The following ASTN2 variants were observed in gnomAD, a reference collection of about 807,000 sequenced individuals.
The protein encoded by ASTN2 is astrotactin 2.
In ASTN2, 54 loss-of-function variants were observed where a neutral mutation model predicts 139.8. The ratio of observed to expected loss-of-function variants is 0.39; its 90% CI spans 0.31 to 0.48. The LOEUF is 0.48. Ranked by LOEUF, ASTN2 falls within the 20% of genes least tolerant of loss-of-function variation. The probability of loss-of-function intolerance (pLI) is 0.95; values close to 1 mark genes in which losing one functional copy is unlikely to be tolerated. For synonymous variants in ASTN2, 756 were observed against 719.5 expected (o/e 1.05, Z -0.81); for missense variants, 1,565 against 1,725.1 (o/e 0.91, Z 1.64).
At chr9:117,140,038 C>T (rs1201405876) in intron 4 of ASTN2, among the ~76,000 whole-genome samples, 1 of 152,152 alleles carries the variant, frequency 6.6e-6, no homozygotes, top group Non-Finnish European at 1.5e-5. Flanking sequence ...GCTGTTTGTA[C>T]CTTAGTGAAA....
At chr9:116,877,154 C>A (rs1397738155) in intron 10 of ASTN2, among the ~76,000 whole-genome samples, 1 of 152,164 alleles carries the variant, frequency 6.6e-6, no homozygotes, top group East Asian at 1.9e-4. Context: ...GCGGTCTAAC[C>A]CCAGCCAATA....
chr9:116,489,911 A>AT (rs760054430), intron 19 of ASTN2, among the ~76,000 whole-genome samples: 5 of 152,150 alleles, frequency 3.3e-5, no homozygotes, highest in African/African-American at 7.2e-5. Context: ...GCAACAGGCA[A>AT]TTTCAGCTGC....
chr9:116,697,892 G>T, intron 16 of ASTN2: 1 of 1,614,224 alleles, frequency 6.2e-7, no homozygotes. Context: ...GCCTGGAGAA[G>T]CTATTGGCCA....
At position 116,425,893 on chromosome 9, in the gene ASTN2, C is replaced by T; in HGVS notation, c.3978G>A (p.Val1326=). Residue 1326 remains valine (V), a synonymous_variant, in exon 23 of 23, where the codon GTG becomes GTA. Coordinates refer to ENST00000313400, the MANE Select transcript of ASTN2 (RefSeq NM_001365068.1). ...DTKITCEEKM[V]SMARNTYGES... ...CCCCGTACGTGTTTCGGGCCATTGA[C>T]ACCATCTTCTCCTCACACGTGATTT... The T allele has an allele frequency of 1.2e-6, 2 of 1,614,202 alleles. No individual in the cohort carries two copies. Among genetic ancestry groups the T allele is most frequent in the Non-Finnish European group, 1.7e-6 (2 of 1,180,046 alleles).
intron 4 of ASTN2, among the ~76,000 whole-genome samples, chr9:117,117,409 A>AAC (rs969012965): frequency 4.6e-5 from 7 of 151,948 alleles, no homozygotes; most frequent in African/African-American, 1.7e-4. Flanking sequence ...AAAAAAAAAA[A>AAC]ACGCAACTCC....
At chr9:116,480,798 C>T (rs558732823) in intron 20 of ASTN2, among the ~76,000 whole-genome samples, 2 of 152,086 alleles carry the variant, frequency 1.3e-5, no homozygotes, top group South Asian at 4.2e-4. Flanking sequence ...AAGAGACTGG[C>T]GCACTCTAGC....
chr9:116,613,719 C>T (rs970844366), intron 19 of ASTN2: 3 of 152,128 alleles, frequency 2.0e-5, no homozygotes, highest in South Asian at 2.1e-4. Flanking sequence ...ACTGATGGGA[C>T]GTATCTCAAA....
intron 10 of ASTN2, among the ~76,000 whole-genome samples, chr9:116,942,761 G>T (rs1399528020): frequency 7.9e-5 from 12 of 152,224 alleles, no homozygotes; most frequent in Non-Finnish European, 1.8e-4. Flanking sequence ...AGATGAGGAA[G>T]ATTGAAACAA....
intron 5 of ASTN2, among the ~76,000 whole-genome samples, chr9:117,041,320 G>T (rs1176696093): frequency 6.6e-6 from 1 of 151,788 alleles, no homozygotes; most frequent in Non-Finnish European, 1.5e-5. Context: ...ATATCTTTCT[G>T]TGGCTATCCA....
intron 1 of ASTN2, among the ~76,000 whole-genome samples, chr9:117,384,699 A>G (rs1246371305): frequency 6.6e-6 from 1 of 152,216 alleles, no homozygotes; most frequent in Non-Finnish European, 1.5e-5. Flanking sequence ...CTCTGATCTC[A>G]TCTGCTAAGA....
At chr9:116,552,350 T>C (rs1004458775) in intron 19 of ASTN2, 1 of 152,198 alleles carries the variant, frequency 6.6e-6, no homozygotes. Context: ...GGGATAAGTG[T>C]TTTTCATACT....
At chr9:117,378,889 T>C (rs1830193532) in intron 1 of ASTN2, among the ~76,000 whole-genome samples, 1 of 152,148 alleles carries the variant, frequency 6.6e-6, no homozygotes, top group Non-Finnish European at 1.5e-5. Context: ...CCTTCATGAA[T>C]GGTTTAGCAC....
At chr9:117,148,612 TC>T (rs1830255161) in intron 3 of ASTN2, among the ~76,000 whole-genome samples, 1 of 152,212 alleles carries the variant, frequency 6.6e-6, no homozygotes, top group Non-Finnish European at 1.5e-5. Flanking sequence ...CTCCCTGCTT[TC>T]CCAAGTTTTA....
intron 19 of ASTN2, among the ~76,000 whole-genome samples, chr9:116,533,985 T>A (rs1336976805): frequency 1.3e-5 from 2 of 152,214 alleles, no homozygotes; most frequent in Non-Finnish European, 2.9e-5. Flanking sequence ...TGAATCCATC[T>A]GGTCCTGGAA....
At chr9:117,373,720 T>A (rs1470255293) in intron 1 of ASTN2, among the ~76,000 whole-genome samples, 1 of 152,222 alleles carries the variant, frequency 6.6e-6, no homozygotes, top group Non-Finnish European at 1.5e-5. Flanking sequence ...CCTGATCTCA[T>A]CTTTTATGAT....
chr9:116,559,301 A>G (rs2131657966), intron 19 of ASTN2, among the ~76,000 whole-genome samples: 1 of 152,354 alleles, frequency 6.6e-6, no homozygotes, highest in Middle Eastern at 3.4e-3. Flanking sequence ...ATATCTCATC[A>G]GACCAGATGG....
At chr9:117,016,274 C>T (rs1052082329) in intron 6 of ASTN2, among the ~76,000 whole-genome samples, 6 of 151,990 alleles carry the variant, frequency 3.9e-5, no homozygotes, top group Non-Finnish European at 5.9e-5. Flanking sequence ...TGACTCTCAA[C>T]CTCTTCTGGT....
chr9:117,068,837 G>C (rs978599854), intron 5 of ASTN2, among the ~76,000 whole-genome samples: 1 of 132,516 alleles, frequency 7.5e-6, no homozygotes, highest in Non-Finnish European at 1.7e-5. Context: ...TTGTATTTCT[G>C]TGGGATCGGT....
At chr9:117,355,450 A>C (rs1260710627) in intron 1 of ASTN2, among the ~76,000 whole-genome samples, 1 of 152,190 alleles carries the variant, frequency 6.6e-6, no homozygotes. Context: ...GATAATACAA[A>C]CCCACTTCTA....
Sources: allele counts gnomAD v4.1 joint callset (sites outside exome capture counted in the v4.1 genomes callset), GRCh38; gene constraint gnomAD v4.1.1; transcripts MANE v1.5; gene names NCBI Gene and HGNC (gene_info 2026-07-23, HGNC 2026-07-21).